CACNA2D1: variants seen among roughly 807,000 people sequenced by gnomAD.
The protein encoded by CACNA2D1 is voltage-dependent calcium channel subunit alpha-2/delta-1.
In CACNA2D1, 53 loss-of-function variants were observed where a neutral mutation model predicts 171.5. That is an observed-to-expected ratio of 0.31 (90% confidence interval 0.25 to 0.39). The LOEUF is 0.39. Among genes scored for constraint, CACNA2D1 ranks in the 10% least tolerant of loss-of-function variants. The probability of loss-of-function intolerance (pLI) is 1.00; values close to 1 mark genes in which losing one functional copy is unlikely to be tolerated. For synonymous variants in CACNA2D1, 442 were observed against 443.1 expected (o/e 1.00, Z 0.03); for missense variants, 903 against 1,299.8 (o/e 0.69, Z 4.69).
intron 4 of CACNA2D1, among the ~76,000 whole-genome samples, chr7:82,150,257 T>TA (rs565121488): frequency 0.037 from 3,445 of 92,120 alleles, 426 homozygotes; most frequent in Non-Finnish European, 0.054. Flanking sequence ...TAGATCAAAT[T>TA]AAAAAAAAAA....
chr7:82,356,913 T>C (rs1554523188), intron 1 of CACNA2D1, among the ~76,000 whole-genome samples: 1 of 152,136 alleles, frequency 6.6e-6, no homozygotes, highest in Admixed American at 6.6e-5. Flanking sequence ...TCCTTCTCTG[T>C]CCCTTCAATA....
In CACNA2D1 at chr7:82,034,701, C is replaced by T. The variant is rs143068815; in HGVS notation, c.1039-1800G>A. ...GTCAAAATAATATGTACCTAAAGAA[C>T]TATCCTGTAAAAATGTTAAACAAAA... On this transcript the variant is annotated intron_variant, in intron 11 of 38. Coordinates refer to ENST00000356860, the MANE Select transcript of CACNA2D1 (RefSeq NM_000722.4). Among the ~76,000 whole-genome samples the T allele has an allele frequency of 3.2e-3, 481 of 152,040 alleles. 1 individual carries two copies. The highest frequency in any genetic ancestry group is 0.011 in the African/African-American group (445 of 41,512).
intron 21 of CACNA2D1, among the ~76,000 whole-genome samples, chr7:81,987,854 G>A (rs560119534): frequency 3.9e-5 from 6 of 152,238 alleles, no homozygotes; most frequent in African/African-American, 1.4e-4. Flanking sequence ...GATACATTGG[G>A]TTAGAAATGT....
At chr7:82,385,650 GT>G (rs770608991) in intron 1 of CACNA2D1, among the ~76,000 whole-genome samples, 22 of 117,202 alleles carry the variant, frequency 1.9e-4, no homozygotes, top group African/African-American at 6.9e-4. Flanking sequence ...TTTTTTGGTT[GT>G]TTTGTTTTGT....
intron 3 of CACNA2D1, among the ~76,000 whole-genome samples, chr7:82,323,886 C>A (rs1471062075): frequency 1.3e-5 from 2 of 152,162 alleles, no homozygotes; most frequent in African/African-American, 2.4e-5. Context: ...CTTGTCTGAA[C>A]CTTCCATTAA....
At chr7:81,962,247 A>G (rs1794224646) in intron 35 of CACNA2D1, among the ~76,000 whole-genome samples, 193 bp downstream of exon 35, 1 of 151,982 alleles carries the variant, frequency 6.6e-6, no homozygotes, top group African/African-American at 2.4e-5. Context: ...CTATGAGATC[A>G]GGCCCGTGTG....
intron 6 of CACNA2D1, among the ~76,000 whole-genome samples, chr7:82,099,771 G>C (rs1324512232): frequency 6.6e-6 from 1 of 152,064 alleles, no homozygotes; most frequent in Non-Finnish European, 1.5e-5. Context: ...TAAACAGGAA[G>C]GTAGGAGTGT....
intron 1 of CACNA2D1, among the ~76,000 whole-genome samples, chr7:82,365,760 T>G (rs528092324): frequency 6.6e-6 from 1 of 152,358 alleles, no homozygotes; most frequent in East Asian, 1.9e-4. Context: ...TTCTAAATAT[T>G]AGGTAGTCAT....
At chr7:82,264,633 A>C (rs1357723704) in intron 3 of CACNA2D1, among the ~76,000 whole-genome samples, 2 of 152,216 alleles carry the variant, frequency 1.3e-5, no homozygotes, top group Admixed American at 1.3e-4. Context: ...AAGAGAAATG[A>C]AGAAAGAAAA....
At chr7:82,198,128 T>A (rs988167242) in intron 3 of CACNA2D1, among the ~76,000 whole-genome samples, 2 of 152,074 alleles carry the variant, frequency 1.3e-5, no homozygotes, top group Non-Finnish European at 2.9e-5. Flanking sequence ...TAGATGTTAT[T>A]TGCTGTAAAC....
At chr7:82,413,308 G>C (rs1827856471) in intron 1 of CACNA2D1, among the ~76,000 whole-genome samples, 2 of 152,140 alleles carry the variant, frequency 1.3e-5, no homozygotes, top group Non-Finnish European at 2.9e-5. Flanking sequence ...TGGGTTATCA[G>C]CAAGTTTATT....
At chr7:82,353,165 G>T (rs1021850227) in intron 1 of CACNA2D1, among the ~76,000 whole-genome samples, 2 of 152,086 alleles carry the variant, frequency 1.3e-5, no homozygotes, top group Admixed American at 6.6e-5. Flanking sequence ...CTAATTCAGT[G>T]GTGGTGAAAG....
chr7:82,079,302 C>G (rs1809394719), intron 7 of CACNA2D1, among the ~76,000 whole-genome samples: 1 of 152,170 alleles, frequency 6.6e-6, no homozygotes, highest in Non-Finnish European at 1.5e-5. Context: ...TCAATGAGGA[C>G]TTTCCAAAGG....
intron 4 of CACNA2D1, among the ~76,000 whole-genome samples, chr7:82,167,861 T>C (rs1366731687): frequency 6.6e-6 from 1 of 152,106 alleles, no homozygotes; most frequent in Non-Finnish European, 1.5e-5. Context: ...TCTTCAAGAA[T>C]TCTCCCACAT....
intron 3 of CACNA2D1, among the ~76,000 whole-genome samples, chr7:82,272,737 T>A (rs1808800284): frequency 6.6e-6 from 1 of 152,320 alleles, no homozygotes; most frequent in East Asian, 1.9e-4. Context: ...TTTGGTAAAC[T>A]TATTTCTGAA....
rs758617028 is a variant in CACNA2D1 at position 82,336,921 on chromosome 7, CA to C, written c.178-1671del. ...CCTCCTTCCTGTGGTATAGGGAATA[CA>C]ATATGCTTCATAGTTGGTGGGGATT... On this transcript the variant is annotated intron_variant, in intron 2 of 38. Coordinates refer to ENST00000356860, the MANE Select transcript of CACNA2D1 (RefSeq NM_000722.4). 6.6e-5 allele frequency among the ~76,000 whole-genome samples: 10 copies of C among 152,228 alleles called. No homozygotes were observed. The East Asian group carries it at 1.9e-3, about 29-fold the overall frequency.
At position 82,426,138 on chromosome 7, in the gene CACNA2D1, TATAAATAAATAAATAAATAAATAA is replaced by T. The variant is rs56342398; in HGVS notation, c.95+17203_95+17226del. Among the ~76,000 whole-genome samples, 5 of 129,026 alleles carry T rather than the reference TATAAATAAATAAATAAATAAATAA, an allele frequency of 3.9e-5. No individual in the cohort carries two copies. In the East Asian group the frequency reaches 1.2e-3, roughly 31 times the overall value. 84.6% of individuals were successfully genotyped at this position (129,026 alleles called of 152,430 possible). ...AGAGCGAGACTCTGCTTCAAAAATA[TATAAATAAATAAATAAATAAATAA>T]ATAAATAAATAAATAAATACATAAA... On this transcript the variant is annotated intron_variant, in intron 1 of 38. Transcript: ENST00000356860.
chr7:82,350,893 T>C (rs554711140), intron 1 of CACNA2D1, among the ~76,000 whole-genome samples: 2 of 152,326 alleles, frequency 1.3e-5, no homozygotes, highest in South Asian at 2.1e-4. Context: ...TCTTAAAATA[T>C]AAGCTATGGA....
At chr7:82,426,514 T>C (rs993336237) in intron 1 of CACNA2D1, among the ~76,000 whole-genome samples, 2 of 152,334 alleles carry the variant, frequency 1.3e-5, no homozygotes, top group South Asian at 2.1e-4. Flanking sequence ...TATTTCATAA[T>C]ATACATTTAT....
Sources: gnomAD v4.1 joint callset for allele counts (sites outside exome capture counted in the v4.1 genomes callset) on GRCh38, gnomAD v4.1.1 for gene constraint, MANE v1.5 for transcripts, NCBI Gene and HGNC (gene_info 2026-07-23, HGNC 2026-07-21) for gene names.